SLCO1A2: variants seen among roughly 807,000 people sequenced by gnomAD.
The protein encoded by SLCO1A2 is solute carrier organic anion transporter family member 1A2.
SLCO1A2 carries 67 observed loss-of-function variants against 69.0 expected under a neutral mutation model. That is an observed-to-expected ratio of 0.97 (90% CI 0.80 to 1.19). The LOEUF (loss-of-function observed/expected upper bound fraction) is 1.19, where lower values mean the gene tolerates loss of function less well. Among genes scored for constraint, SLCO1A2 ranks in the 50% most tolerant of loss-of-function variants. The pLI is 0.00. For synonymous variants in SLCO1A2, 260 were observed against 265.9 expected (o/e 0.98, Z 0.22); for missense variants, 787 against 793.7 (o/e 0.99, Z 0.10).
In SLCO1A2 at chr12:21,314,728, C is replaced by G. The variant is rs1244154613; in HGVS notation, c.203-47G>C. 5.0e-6 allele frequency: 7 copies of G among 1,404,974 alleles called. No individual in the cohort carries two copies. The East Asian group carries it at 7.1e-5, about 14-fold the overall frequency. The allele number at this position is 1,404,974 out of a possible 1,614,324, so 87.0% of individuals were successfully genotyped here. ...TCATTTTAAAAAGTATGAACAAAGT[C>G]TTAATTAAGAGCCTCACCCAATCAT... On this transcript the variant is annotated intron_variant, in intron 3 of 14. Transcript: ENST00000683939.
chr12:21,344,307 T>C (rs11045986), intron 2 of SLCO1A2, among the ~76,000 whole-genome samples: 22,647 of 151,942 alleles, frequency 0.15, 2,093 homozygotes, highest in African/African-American at 0.26. Flanking sequence ...CCTTAATCCA[T>C]CATACCAGAA....
chr12:21,268,319 C>T lies in SLCO1A2; in HGVS notation c.*1229G>A, dbSNP rs1942282418. On this transcript the variant is annotated 3_prime_UTR_variant, in exon 15 of 15. Transcript: ENST00000683939. ...AGACACTCTCACTCCATTTATAGTA[C>T]ACATAAATAACCATAGTGTATTGAC... The T allele has an allele frequency of 1.3e-5, 2 of 152,026 alleles. No individual in the cohort carries two copies. The highest frequency in any genetic ancestry group is 2.9e-5 in the Non-Finnish European group (2 of 67,992). The allele number at this position is 152,026 out of a possible 1,614,324, so 9.4% of individuals were successfully genotyped here.
At chr12:21,336,522 TGAAAA>T (rs1309142589), upstream of SLCO1A2, among the ~76,000 whole-genome samples, 1 of 151,982 alleles carries the variant, frequency 6.6e-6, no homozygotes, top group Non-Finnish European at 1.5e-5. Flanking sequence ...GCTAAGCACT[TGAAAA>T]GAATTACATG....
chr12:21,394,672 T>C (rs1941343500), intron 1 of SLCO1A2, among the ~76,000 whole-genome samples: 1 of 151,708 alleles, frequency 6.6e-6, no homozygotes, highest in Non-Finnish European at 1.5e-5. Flanking sequence ...TACGGCCACC[T>C]CCACAAAATC....
chr12:21,305,891 C>T (rs1243442291), intron 5 of SLCO1A2, among the ~76,000 whole-genome samples: 3 of 152,186 alleles, frequency 2.0e-5, no homozygotes, highest in African/African-American at 7.2e-5. Context: ...ATAAAAATGT[C>T]CCCATAAAAA....
intron 12 of SLCO1A2, among the ~76,000 whole-genome samples, chr12:21,279,205 C>T (rs532801253): frequency 1.3e-5 from 2 of 152,016 alleles, no homozygotes; most frequent in African/African-American, 4.8e-5. Context: ...TGCACCTACA[C>T]GATCTACAAA....
At chr12:21,418,756 A>G (rs924208532), upstream of SLCO1A2, among the ~76,000 whole-genome samples, 4 of 151,750 alleles carry the variant, frequency 2.6e-5, no homozygotes, top group Non-Finnish European at 4.4e-5. Context: ...CAGCCAAACC[A>G]TATCAGTCAT....
At chr12:21,313,104 T>C (rs2136661667) in intron 4 of SLCO1A2, among the ~76,000 whole-genome samples, 1 of 152,058 alleles carries the variant, frequency 6.6e-6, no homozygotes, top group South Asian at 2.1e-4. Context: ...AATAAATAAA[T>C]CACCATCTTA....
chr12:21,396,152 A>G (rs1001208954), upstream of SLCO1A2, among the ~76,000 whole-genome samples: 6 of 151,296 alleles, frequency 4.0e-5, no homozygotes, highest in African/African-American at 1.5e-4. Context: ...TATAACTAGA[A>G]TAACCAATAC....
intron 5 of SLCO1A2, 110 bp downstream of exon 5, chr12:21,306,772 A>G (rs1018065405): frequency 9.3e-6 from 6 of 645,944 alleles, no homozygotes; most frequent in Non-Finnish European, 1.1e-5. Context: ...GAGAGAGAAC[A>G]TATCTTTGTT....
chr12:21,373,198 C>A (rs1939925731), intron 2 of SLCO1A2: 1 of 665,246 alleles, frequency 1.5e-6, no homozygotes, highest in Admixed American at 2.3e-5. Context: ...TATTAAGGGA[C>A]TGTATCAATA....
chr12:21,337,858 T>A (rs996803420), upstream of SLCO1A2, among the ~76,000 whole-genome samples: 1 of 152,026 alleles, frequency 6.6e-6, no homozygotes, highest in Non-Finnish European at 1.5e-5. Context: ...GTACTAAGAA[T>A]GTATTGCTTG....
At chr12:21,378,750 C>A in intron 1 of SLCO1A2, 1 of 238,060 alleles carries the variant, frequency 4.2e-6, no homozygotes, top group Non-Finnish European at 8.3e-6. Context: ...AAATTGTAAA[C>A]AGCTAATAAT....
chr12:21,319,293 T>C, intron 2 of SLCO1A2: 1 of 1,294,498 alleles, frequency 7.7e-7, no homozygotes, highest in East Asian at 4.5e-5. Context: ...AAAGAAAGAA[T>C]GCAGAATTAT....
chr12:21,367,825 A>C (rs1355020319), intron 2 of SLCO1A2, among the ~76,000 whole-genome samples: 10 of 152,144 alleles, frequency 6.6e-5, no homozygotes, highest in Non-Finnish European at 1.3e-4. Flanking sequence ...GACAAAGGAA[A>C]TCAAAATACA....
rs148666099 is a variant in SLCO1A2 at position 21,294,378 on chromosome 12, A to G, written c.1272-268T>C. The G allele has an allele frequency of 1.5e-4, 35 of 239,762 alleles. 1 individual carries two copies. Among genetic ancestry groups the G allele is most frequent in the African/African-American group, 7.1e-4 (32 of 44,802 alleles). 14.9% of individuals were successfully genotyped at this position (239,762 alleles called of 1,614,324 possible). ...AATTGAGCACCTACCATGTGGAGTC[A>G]TGTTTTCACATACTATTAGATCTCG... On this transcript the variant is annotated intron_variant, in intron 10 of 14. Coordinates refer to ENST00000683939, the MANE Select transcript of SLCO1A2 (RefSeq NM_001386879.1).
In SLCO1A2 at chr12:21,294,095, T is replaced by G; in HGVS notation, c.1287A>C (p.Leu429Phe). 6.3e-7 allele frequency: 1 copy of G among 1,594,718 alleles called. No individual in the cohort carries two copies. The highest frequency in any genetic ancestry group is 8.5e-7 in the Non-Finnish European group (1 of 1,171,288). Residue 429 changes from leucine to phenylalanine, a missense_variant, in exon 11 of 15, where the codon TTA becomes TTC. Physicochemically the swap from Leu to Phe is conservative, Grantham distance 22. Transcript: ENST00000683939. The stretch of plus-strand genomic sequence containing the variant: ...CAGCAAAGATGTCATTTTCCACATA[T>G]AAATCTTGTGGAATTCTGAAGTGAT... ...NTSYEGIPQD[L>F]YVENDIFADC...
At chr12:21,402,040 G>A (rs1354616066) in intron 1 of SLCO1A2, among the ~76,000 whole-genome samples, 1 of 150,790 alleles carries the variant, frequency 6.6e-6, no homozygotes, top group African/African-American at 2.4e-5. Flanking sequence ...ATGAAAAAGA[G>A]CAATGGATTA....
intron 1 of SLCO1A2, among the ~76,000 whole-genome samples, chr12:21,416,792 T>C (rs1941996979): frequency 6.6e-6 from 1 of 152,052 alleles, no homozygotes; most frequent in South Asian, 2.1e-4. Flanking sequence ...AAATACATCA[T>C]TGAATTCAGG....
Sources: allele counts gnomAD v4.1 joint callset (sites outside exome capture counted in the v4.1 genomes callset), GRCh38; gene constraint gnomAD v4.1.1; transcripts MANE v1.5; gene names NCBI Gene and HGNC (gene_info 2026-07-23, HGNC 2026-07-21).